The following ACACA variants were observed in gnomAD, a reference collection of about 807,000 sequenced individuals.
ACACA encodes acetyl-CoA carboxylase 1.
Under a neutral mutation model 296.1 loss-of-function variants are expected in ACACA, and 103 were observed. The ratio of observed to expected loss-of-function variants is 0.35; its 90% CI spans 0.30 to 0.41. ACACA has a LOEUF of 0.41. Ranked by LOEUF, ACACA falls within the 10% of genes least tolerant of loss-of-function variation. The probability of loss-of-function intolerance (pLI) is 1.00; values close to 1 mark genes in which losing one functional copy is unlikely to be tolerated. For missense variants in ACACA, 1,554 were observed against 2,989.7 expected (o/e 0.52, Z 11.20); for synonymous variants, 953 against 1,038.6 (o/e 0.92, Z 1.58).
rs2080800894 is a variant in ACACA at position 37,248,004 on chromosome 17, CA to C, written c.2309+6del. ...GACCAGCAAATGGACCTCAAACAGC[CA>C]CTTACCTATCCACTTCCTCTTTCAT... On this transcript the variant is annotated splice_donor_region_variant and intron_variant, in intron 18 of 55. Transcript: ENST00000616317. 3.1e-6 allele frequency: 5 copies of C among 1,613,972 alleles called. No homozygotes were observed.
At chr17:37,315,376 G>A (rs2047042529) in intron 3 of ACACA, among the ~76,000 whole-genome samples, 1 of 152,158 alleles carries the variant, frequency 6.6e-6, no homozygotes, top group South Asian at 2.1e-4. Context: ...GACACCGAAT[G>A]TACAGGTTTT....
chr17:37,094,220 C>T (rs1181647885), intron 54 of ACACA, among the ~76,000 whole-genome samples: 2 of 152,186 alleles, frequency 1.3e-5, no homozygotes, highest in Admixed American at 6.5e-5. Context: ...CTATTTCCTA[C>T]AGTAGGATCG....
intron 14 of ACACA, among the ~76,000 whole-genome samples, chr17:37,256,274 G>GC: frequency 6.6e-6 from 1 of 152,242 alleles, no homozygotes; most frequent in South Asian, 2.1e-4. Flanking sequence ...TTTTCACTTT[G>GC]CAGAGCATAA....
At chr17:37,264,241 A>C (rs2081643215) in intron 10 of ACACA, among the ~76,000 whole-genome samples, 3 of 152,250 alleles carry the variant, frequency 2.0e-5, no homozygotes, top group Non-Finnish European at 1.5e-5. Flanking sequence ...CCAAATGTAC[A>C]ACTTGTTCCA....
chr17:37,211,240 T>C (rs889176095), intron 29 of ACACA, among the ~76,000 whole-genome samples: 1 of 152,226 alleles, frequency 6.6e-6, no homozygotes, highest in Non-Finnish European at 1.5e-5. Context: ...TAAAAATTGC[T>C]GTTAGCTTAA....
At chr17:37,292,376 T>G (rs889417854) in intron 3 of ACACA, among the ~76,000 whole-genome samples, 1 of 152,170 alleles carries the variant, frequency 6.6e-6, no homozygotes, top group Non-Finnish European at 1.5e-5. Flanking sequence ...CAAGCTTTGA[T>G]TCCCCTTGGA....
At chr17:37,374,302 T>C (rs1365138560) in intron 1 of ACACA, among the ~76,000 whole-genome samples, 2 of 151,646 alleles carry the variant, frequency 1.3e-5, no homozygotes, top group Non-Finnish European at 1.5e-5. Context: ...TTTTTTTTTT[T>C]TGAGACGGAG....
intron 3 of ACACA, among the ~76,000 whole-genome samples, chr17:37,318,173 T>C (rs557853709): frequency 1.3e-5 from 2 of 152,184 alleles, no homozygotes; most frequent in East Asian, 1.9e-4. Flanking sequence ...TTATTTCCCA[T>C]GTCAAAGCTT....
At chr17:37,100,120 T>A (rs1464253240) in intron 52 of ACACA, among the ~76,000 whole-genome samples, 1 of 152,072 alleles carries the variant, frequency 6.6e-6, no homozygotes, top group Non-Finnish European at 1.5e-5. Flanking sequence ...GAACAATAAG[T>A]GTAGCGGAAA....
At chr17:37,336,806 AAAGT>A (rs1258352159) in intron 2 of ACACA, among the ~76,000 whole-genome samples, 2 of 152,222 alleles carry the variant, frequency 1.3e-5, no homozygotes, top group African/African-American at 4.8e-5. Context: ...GTAAAGTATG[AAAGT>A]AAGTGGACAA....
intron 14 of ACACA, among the ~76,000 whole-genome samples, 191 bp downstream of exon 14, chr17:37,257,512 C>T (rs1790596943): frequency 6.6e-6 from 1 of 152,116 alleles, no homozygotes; most frequent in South Asian, 2.1e-4. Context: ...AACAGAAAAA[C>T]ATCTGCCAAG....
chr17:37,271,320 A>C (rs558540957), intron 9 of ACACA, among the ~76,000 whole-genome samples: 6 of 152,310 alleles, frequency 3.9e-5, no homozygotes, highest in African/African-American at 1.4e-4. Flanking sequence ...GTTCAAGACC[A>C]GCCTGACCAA....
At chr17:37,283,471 G>T in intron 4 of ACACA, 66 bp from the exon 5 acceptor site, 1 of 1,565,328 alleles carries the variant, frequency 6.4e-7, no homozygotes, top group Non-Finnish European at 8.8e-7. Flanking sequence ...GAGGAAAAGA[G>T]ATGAGAGAAT....
chr17:37,099,124 C>T (rs2073168786), intron 52 of ACACA, among the ~76,000 whole-genome samples: 1 of 152,176 alleles, frequency 6.6e-6, no homozygotes, highest in South Asian at 2.1e-4. Flanking sequence ...TTTTTTACAC[C>T]ACAATGAATC....
intron 5 of ACACA, among the ~76,000 whole-genome samples, chr17:37,279,433 G>A (rs917306121): frequency 6.6e-6 from 1 of 152,116 alleles, no homozygotes; most frequent in African/African-American, 2.4e-5. Flanking sequence ...AGGAGATGGA[G>A]ACCATCCTGG....
Position 37,401,050 on chromosome 17 carries a change from A to G in ACACA, c.38+5212T>C, listed in dbSNP as rs534443326. Among the ~76,000 whole-genome samples the G allele has an allele frequency of 7.2e-5, 11 of 152,258 alleles. No individual in the cohort carries two copies. The East Asian group carries it at 2.1e-3, about 29-fold the overall frequency. Reference sequence around the variant, plus strand: ...TTTCTCCACATCCTTGCCAATGCTTATCTCGCTTTTTGATAATAATCATTC... The same window carrying G: ...TTTCTCCACATCCTTGCCAATGCTTGTCTCGCTTTTTGATAATAATCATTC... On this transcript the variant is annotated intron_variant, in intron 1 of 55. Transcript: ENST00000616317.
At chr17:37,233,703 C>A (rs2079972410) in intron 25 of ACACA, among the ~76,000 whole-genome samples, 1 of 152,126 alleles carries the variant, frequency 6.6e-6, no homozygotes, top group South Asian at 2.1e-4. Context: ...AAAAAAACAT[C>A]TAAATAGTCT....
intron 37 of ACACA, among the ~76,000 whole-genome samples, chr17:37,191,702 T>C (rs1017760650): frequency 7.9e-5 from 12 of 152,316 alleles, no homozygotes; most frequent in African/African-American, 2.9e-4. Flanking sequence ...AGGTGTACAA[T>C]GGGATCACCT....
At position 37,274,235 on chromosome 17, in the gene ACACA, T is replaced by C. The variant is rs2082182416; in HGVS notation, c.966A>G (p.Leu322=). Residue 322 remains leucine, a synonymous_variant, in exon 9 of 56, where the codon CTA becomes CTG. Transcript: ENST00000616317. ...CATCTTTCACATAACCTTTTTCATA[T>C]AGCTCCTGGGGAACATTTAAGATAC... The part of the protein sequence containing the change: ...SKRILNVPQE[L]YEKGYVKDVD... 2 of 1,614,212 alleles carry C rather than the reference T, an allele frequency of 1.2e-6. No homozygotes were observed. The highest frequency in any genetic ancestry group is 1.7e-6 in the Non-Finnish European group (2 of 1,180,026).
Sources: gnomAD v4.1 joint callset for allele counts (sites outside exome capture counted in the v4.1 genomes callset) on GRCh38, gnomAD v4.1.1 for gene constraint, MANE v1.5 for transcripts, NCBI Gene and HGNC (gene_info 2026-07-23, HGNC 2026-07-21) for gene names.